ZSWIM5: variants seen among roughly 807,000 people sequenced by gnomAD.
The protein encoded by ZSWIM5 is zinc finger SWIM-type containing 5.
A neutral mutation model predicts 119.6 loss-of-function variants in ZSWIM5; 55 were observed. That is an observed-to-expected ratio of 0.46 (90% CI 0.37 to 0.58). The LOEUF (loss-of-function observed/expected upper bound fraction) is 0.58. Ranked by LOEUF, ZSWIM5 falls within the 20% of genes least tolerant of loss-of-function variation. The pLI is 0.00. For synonymous variants in ZSWIM5, 537 were observed against 606.9 expected (o/e 0.88, Z 1.69); for missense variants, 1,193 against 1,512.8 (o/e 0.79, Z 3.51).
Position 45,020,778 on chromosome 1 carries a change from C to CAA in ZSWIM5, c.2458_2459dup (p.Leu820PhefsTer2). ...TTGCTTCCAGAATTGTTCGGAGTCTCAAAGTGTCTCCTATAGGTGTCAAGA... is the reference window on the plus strand; with the variant it reads ...TTGCTTCCAGAATTGTTCGGAGTCTCAAAAAGTGTCTCCTATAGGTGTCAAGA... On this transcript the variant is annotated frameshift_variant, in exon 12 of 14. Transcript: ENST00000359600. LOFTEE classifies it high-confidence loss of function. 1 of 1,614,014 alleles carries CAA rather than the reference C, an allele frequency of 6.2e-7. No individual in the cohort carries two copies. The highest frequency in any genetic ancestry group is 8.5e-7 in the Non-Finnish European group (1 of 1,179,962).
At chr1:45,086,921 T>A (rs1477297326) in intron 2 of ZSWIM5, among the ~76,000 whole-genome samples, 1 of 149,352 alleles carries the variant, frequency 6.7e-6, no homozygotes, top group Admixed American at 6.7e-5. Flanking sequence ...TCTTGCTCTG[T>A]CACCCAGGCT....
chr1:45,102,778 C>A (rs1645447416), intron 1 of ZSWIM5, among the ~76,000 whole-genome samples: 1 of 152,058 alleles, frequency 6.6e-6, no homozygotes. Flanking sequence ...AGCAAAGTAA[C>A]AATAATTTGT....
intron 1 of ZSWIM5, among the ~76,000 whole-genome samples, chr1:45,107,215 T>TA (rs923615370): frequency 6.7e-4 from 98 of 147,006 alleles, no homozygotes; most frequent in African/African-American, 1.5e-3. Context: ...CAATAAATAC[T>TA]AAAAAAAAAA....
intron 1 of ZSWIM5, among the ~76,000 whole-genome samples, chr1:45,099,877 A>C (rs1645427860): frequency 6.6e-6 from 1 of 152,230 alleles, no homozygotes; most frequent in Non-Finnish European, 1.5e-5. Flanking sequence ...TCAATAAATT[A>C]GGTATTGATG....
chr1:45,155,703 T>C (rs1040588825), intron 1 of ZSWIM5, among the ~76,000 whole-genome samples: 1 of 152,052 alleles, frequency 6.6e-6, no homozygotes, highest in Non-Finnish European at 1.5e-5. Flanking sequence ...CACGCAGCCA[T>C]AAAAAGGAAT....
At chr1:45,185,632 C>T (rs1646053492) in intron 1 of ZSWIM5, among the ~76,000 whole-genome samples, 1 of 152,014 alleles carries the variant, frequency 6.6e-6, no homozygotes, top group African/African-American at 2.4e-5. Context: ...ATTTATGCAG[C>T]CAAAAAACAC....
intron 1 of ZSWIM5, among the ~76,000 whole-genome samples, chr1:45,167,268 A>G (rs1393955473): frequency 2.0e-5 from 3 of 151,938 alleles, no homozygotes; most frequent in East Asian, 1.9e-4. Context: ...CTGGCTAGCC[A>G]TATGTAGAAA....
intron 1 of ZSWIM5, among the ~76,000 whole-genome samples, chr1:45,164,513 G>A (rs1427935420): frequency 6.6e-6 from 1 of 151,830 alleles, no homozygotes; most frequent in African/African-American, 2.4e-5. Context: ...CCAATTAAAA[G>A]ACACAGACTG....
At position 45,081,402 on chromosome 1, in the gene ZSWIM5, A is replaced by G. The variant is rs529607693; in HGVS notation, c.952+6479T>C. Reference sequence around the variant, plus strand: ...ACTGCTGCCATCTCAGCTCACTGCAACCTCCCTGCCTGATTCTCCTGCCTC... The same window carrying G: ...ACTGCTGCCATCTCAGCTCACTGCAGCCTCCCTGCCTGATTCTCCTGCCTC... On this transcript the variant is annotated intron_variant, in intron 2 of 13. Coordinates refer to ENST00000359600, the MANE Select transcript of ZSWIM5 (RefSeq NM_020883.2). 1.7e-3 allele frequency among the ~76,000 whole-genome samples: 264 copies of G among 151,804 alleles called. 1 individual carries two copies. The highest frequency in any genetic ancestry group is 6.0e-3 in the African/African-American group (250 of 41,378).
intron 11 of ZSWIM5, among the ~76,000 whole-genome samples, chr1:45,032,208 G>C (rs1569996178): frequency 3.3e-5 from 5 of 152,112 alleles, no homozygotes; most frequent in Admixed American, 3.3e-4. Flanking sequence ...GCTTACTGTA[G>C]TCTCTTAACT....
chr1:45,147,422 T>C (rs1235427931), intron 1 of ZSWIM5, among the ~76,000 whole-genome samples: 3 of 152,062 alleles, frequency 2.0e-5, no homozygotes, highest in Admixed American at 6.6e-5. Context: ...GGAAAAGAGA[T>C]AGACAGACAG....
In ZSWIM5 at chr1:45,019,989, A is replaced by T; in HGVS notation, c.2695+77T>A. 8.0e-7 allele frequency: 1 copy of T among 1,255,136 alleles called. No individual in the cohort carries two copies. Among genetic ancestry groups the T allele is most frequent in the Admixed American group, 1.8e-5 (1 of 55,052 alleles). The allele number at this position is 1,255,136 out of a possible 1,614,324, so 77.7% of individuals were successfully genotyped here. A position where few individuals can be genotyped will look rare whatever the true frequency, so the allele number is the denominator to read the frequency against. On this transcript the variant is annotated intron_variant, in intron 13 of 13. Transcript: ENST00000359600. This position sits in a 1 kb window ranked among gnomAD's most constrained non-coding sequence, Gnocchi z 5.0. ...ATCTCATAGGAATATGAGAGCTCTA[A>T]GGATTGATTGTCCTGTCCCAAGAGT...
intron 1 of ZSWIM5, among the ~76,000 whole-genome samples, chr1:45,171,290 C>G (rs1253725087): frequency 6.6e-6 from 1 of 152,046 alleles, no homozygotes; most frequent in Non-Finnish European, 1.5e-5. Flanking sequence ...ACGCCAAATA[C>G]ATTCCTCTGT....
intron 1 of ZSWIM5, among the ~76,000 whole-genome samples, chr1:45,164,740 AG>A (rs1645889796): frequency 6.6e-6 from 1 of 152,300 alleles, no homozygotes; most frequent in Admixed American, 6.5e-5. Context: ...ATAATGGTAA[AG>A]GGATCAATCC....
At chr1:45,146,038 G>T (rs1296660909) in intron 1 of ZSWIM5, among the ~76,000 whole-genome samples, 1 of 152,194 alleles carries the variant, frequency 6.6e-6, no homozygotes, top group Non-Finnish European at 1.5e-5. Flanking sequence ...CAATGCAGAG[G>T]TGGCTCTGAT....
intron 1 of ZSWIM5, among the ~76,000 whole-genome samples, chr1:45,149,659 T>C (rs1645784194): frequency 6.6e-6 from 1 of 152,216 alleles, no homozygotes; most frequent in African/African-American, 2.4e-5. Context: ...CTTTCATTTA[T>C]CTATAACAGG....
At position 45,043,363 on chromosome 1, in the gene ZSWIM5, T is replaced by C. The variant is rs955846246; in HGVS notation, c.1465A>G (p.Thr489Ala). 1 of 1,614,214 alleles carries C rather than the reference T, an allele frequency of 6.2e-7. No individual in the cohort carries two copies. The highest frequency in any genetic ancestry group is 8.5e-7 in the Non-Finnish European group (1 of 1,180,046). Residue 489 changes from threonine (T) to alanine (A), a missense_variant, in exon 6 of 14, where the codon ACT (threonine) becomes GCT (alanine). Around this residue, in one of 2 missense-constraint regions of ZSWIM5, gnomAD observed 961 missense variants for 1,290.0 expected, o/e 0.74. Coordinates refer to ENST00000359600, the MANE Select transcript of ZSWIM5 (RefSeq NM_020883.2). Reference protein sequence around the residue: ...SLSRPRRTVFTRAIEGRELHW... With the variant: ...SLSRPRRTVFARAIEGRELHW... ...AATTCACGCCCCTCAATGGCTCTAG[T>C]GAATACTGTTCGTCTTGGTCTGGAT...
intron 1 of ZSWIM5, among the ~76,000 whole-genome samples, chr1:45,171,791 G>A (rs1479266055): frequency 8.6e-5 from 13 of 151,948 alleles, no homozygotes; most frequent in Non-Finnish European, 1.6e-4. Flanking sequence ...ATAACTCAAC[G>A]AATACACTTT....
At chr1:45,086,579 A>G (rs1443932760) in intron 2 of ZSWIM5, among the ~76,000 whole-genome samples, 2 of 152,174 alleles carry the variant, frequency 1.3e-5, no homozygotes, top group Non-Finnish European at 2.9e-5. Flanking sequence ...TGGGAATTGA[A>G]CAATGAGAAC....
Sources: gnomAD v4.1 joint callset for allele counts (sites outside exome capture counted in the v4.1 genomes callset) on GRCh38, gnomAD v4.1.1 for gene constraint, gnomAD v4.1.1 regional missense constraint, Gnocchi (gnomAD v3.1) non-coding constraint, MANE v1.5 for transcripts, NCBI Gene and HGNC (gene_info 2026-07-23, HGNC 2026-07-21) for gene names.